The following MAP3K13 variants were observed in gnomAD, a reference collection of about 807,000 sequenced individuals.
The protein encoded by MAP3K13 is leucine zipper-bearing kinase.
MAP3K13 carries 52 observed loss-of-function variants against 104.0 expected under a neutral mutation model. The ratio of observed to expected loss-of-function variants is 0.50; its 90% CI spans 0.40 to 0.63. The LOEUF is 0.63. Ranked by LOEUF, MAP3K13 falls within the 20% of genes least tolerant of loss-of-function variation. The pLI is 0.00. For synonymous variants in MAP3K13, 394 were observed against 442.2 expected (o/e 0.89, Z 1.37); for missense variants, 914 against 1,218.5 (o/e 0.75, Z 3.72).
chr3:185,382,756 G>A (rs1323599741), intron 1 of MAP3K13, among the ~76,000 whole-genome samples: 1 of 152,128 alleles, frequency 6.6e-6, no homozygotes, highest in African/African-American at 2.4e-5. Context: ...TGTAATCCCA[G>A]CACTTTGGGT....
intron 2 of MAP3K13, among the ~76,000 whole-genome samples, chr3:185,349,844 C>G (rs1482778975): frequency 6.6e-6 from 1 of 152,180 alleles, no homozygotes; most frequent in Non-Finnish European, 1.5e-5. Context: ...TTCATATGCT[C>G]TTAGCATGCT....
Position 185,463,543 on chromosome 3 carries a change from T to C in MAP3K13, c.1279-7T>C. On this transcript the variant is annotated splice_region_variant and splice_polypyrimidine_tract_variant and intron_variant, in intron 7 of 13. Transcript: ENST00000265026. Reference sequence around the variant, plus strand: ...AATTTATCAAAATCTAATTTGTCCTTACCCAGGCTGAATGGAGAGAAGAAG... The same window carrying C: ...AATTTATCAAAATCTAATTTGTCCTCACCCAGGCTGAATGGAGAGAAGAAG... 6.5e-7 allele frequency: 1 copy of C among 1,529,836 alleles called. No individual in the cohort carries two copies. Among genetic ancestry groups the C allele is most frequent in the Non-Finnish European group, 9.1e-7 (1 of 1,104,558 alleles). The allele number at this position is 1,529,836 out of a possible 1,614,324, so 94.8% of individuals were successfully genotyped here.
At chr3:185,476,167 A>ATG (rs1412740595) in intron 11 of MAP3K13, among the ~76,000 whole-genome samples, 2 of 151,960 alleles carry the variant, frequency 1.3e-5, no homozygotes, top group Non-Finnish European at 2.9e-5. Context: ...AACCTTTCTC[A>ATG]TGCCATTGTG....
intron 1 of MAP3K13, among the ~76,000 whole-genome samples, chr3:185,385,684 A>G (rs1316132411): frequency 6.6e-6 from 1 of 152,298 alleles, no homozygotes; most frequent in East Asian, 1.9e-4. Context: ...TAACACTAGG[A>G]AACCAAATCC....
intron 1 of MAP3K13, among the ~76,000 whole-genome samples, chr3:185,421,175 T>G (rs533919126): frequency 2.0e-5 from 3 of 152,056 alleles, no homozygotes; most frequent in Admixed American, 6.6e-5. Flanking sequence ...TTTTTTTGTT[T>G]TGTTTTGTTT....
At chr3:185,353,369 C>T (rs941713205) in intron 2 of MAP3K13, among the ~76,000 whole-genome samples, 7 of 152,154 alleles carry the variant, frequency 4.6e-5, no homozygotes, top group African/African-American at 1.4e-4. Flanking sequence ...AAAACGGAAG[C>T]GAGGGGCAGA....
chr3:185,327,507 A>G (rs1722079214), intron 2 of MAP3K13, among the ~76,000 whole-genome samples: 1 of 57,564 alleles, frequency 1.7e-5, no homozygotes, highest in African/African-American at 4.5e-5. Context: ...CAGACTGAAA[A>G]GAATTAAGAT....
intron 1 of MAP3K13, among the ~76,000 whole-genome samples, chr3:185,408,106 C>A (rs879915217): frequency 4.0e-5 from 6 of 151,882 alleles, no homozygotes; most frequent in Non-Finnish European, 7.4e-5. Flanking sequence ...TATGTTCAAC[C>A]TATCACATTT....
chr3:185,457,535 G>T (rs964386816), intron 7 of MAP3K13, among the ~76,000 whole-genome samples: 2 of 152,124 alleles, frequency 1.3e-5, no homozygotes, highest in Non-Finnish European at 1.5e-5. Flanking sequence ...TTTGATAAGG[G>T]CACTTTTCTC....
chr3:185,391,737 T>A (rs2108768521), intron 1 of MAP3K13, among the ~76,000 whole-genome samples: 1 of 152,340 alleles, frequency 6.6e-6, no homozygotes, highest in African/African-American at 2.4e-5. Context: ...CTCCTGCTTT[T>A]TTCTGTTCCC....
chr3:185,318,563 G>C (rs1721755909), intron 2 of MAP3K13, among the ~76,000 whole-genome samples: 1 of 152,164 alleles, frequency 6.6e-6, no homozygotes, highest in African/African-American at 2.4e-5. Flanking sequence ...CACATATGGT[G>C]CCTCATAAAA....
chr3:185,408,616 AC>A (rs1009339051), intron 1 of MAP3K13, among the ~76,000 whole-genome samples: 5 of 152,046 alleles, frequency 3.3e-5, no homozygotes, highest in African/African-American at 1.2e-4. Context: ...ATCTACAACA[AC>A]CCCAAAAGGG....
At chr3:185,460,104 G>A (rs567993331) in intron 7 of MAP3K13, among the ~76,000 whole-genome samples, 22 of 152,034 alleles carry the variant, frequency 1.4e-4, no homozygotes, top group African/African-American at 3.1e-4. Context: ...TTGTTTATCC[G>A]TTTATCTATT....
At chr3:185,346,424 T>G (rs900302944) in intron 2 of MAP3K13, among the ~76,000 whole-genome samples, 5 of 152,244 alleles carry the variant, frequency 3.3e-5, no homozygotes, top group Non-Finnish European at 7.3e-5. Flanking sequence ...GTATCTATTA[T>G]TGTGTGGACT....
chr3:185,363,714 G>A lies in MAP3K13; in HGVS notation c.-86+346G>A, dbSNP rs1467747447. Among the ~76,000 whole-genome samples the A allele has an allele frequency of 3.3e-5, 5 of 152,260 alleles. No individual in the cohort carries two copies. In the East Asian group the frequency reaches 9.6e-4, roughly 29 times the overall value. ...GCAGAAAAGCCCAGAACACCAGAAA[G>A]GTGCTGAGAAAAGCGGGGCCCGCAA... On this transcript the variant is annotated intron_variant, in intron 1 of 13. Coordinates refer to ENST00000265026, the MANE Select transcript of MAP3K13 (RefSeq NM_004721.5).
chr3:185,385,671 A>G (rs1711644729), intron 1 of MAP3K13, among the ~76,000 whole-genome samples: 1 of 152,206 alleles, frequency 6.6e-6, no homozygotes, highest in Non-Finnish European at 1.5e-5. Context: ...AAAATCCCCA[A>G]CATAACACTA....
chr3:185,481,500 A>T (rs1169292805), intron 13 of MAP3K13, among the ~76,000 whole-genome samples: 2 of 151,118 alleles, frequency 1.3e-5, no homozygotes, highest in African/African-American at 4.9e-5. Context: ...AAAAAAAAAA[A>T]TTATTTTAAA....
intron 1 of MAP3K13, among the ~76,000 whole-genome samples, chr3:185,393,151 A>G (rs1204708768): frequency 6.6e-6 from 1 of 150,410 alleles, no homozygotes; most frequent in East Asian, 2.0e-4. Context: ...CAAATGTAAG[A>G]GATATTCAGA....
At position 185,423,574 on chromosome 3, in the gene MAP3K13, ACAAAGGG is replaced by A. The variant is rs1714253856; in HGVS notation, c.-85-4921_-85-4915del. Among the ~76,000 whole-genome samples the A allele has an allele frequency of 6.6e-6, 1 of 152,150 alleles. No individual in the cohort carries two copies. The highest frequency in any genetic ancestry group is 2.1e-4 in the South Asian group (1 of 4,820). The stretch of plus-strand genomic sequence containing the variant: ...TGGAGTGGGTGGAATGGTGTCTGTA[ACAAAGGG>A]CTCCAGTTTTTCTTCTTTCTTCCCC... On this transcript the variant is annotated intron_variant, in intron 1 of 13. Transcript: ENST00000265026. This position sits in a 1 kb window ranked among gnomAD's most constrained non-coding sequence, Gnocchi z 4.1.
Sources: gnomAD v4.1 joint callset for allele counts (sites outside exome capture counted in the v4.1 genomes callset) on GRCh38, gnomAD v4.1.1 for gene constraint, Gnocchi (gnomAD v3.1) non-coding constraint, MANE v1.5 for transcripts, NCBI Gene and HGNC (gene_info 2026-07-23, HGNC 2026-07-21) for gene names.